Variants in PRELID2 observed in about 807,000 individuals in gnomAD.
The protein encoded by PRELID2 is PRELI domain containing 2.
In PRELID2, 25 loss-of-function variants were observed where a neutral mutation model predicts 28.4. That is an observed-to-expected ratio of 0.88 (90% CI 0.64 to 1.23). PRELID2 has a LOEUF of 1.23. Ranked by LOEUF, PRELID2 falls within the 50% of genes most tolerant of loss-of-function variation. PRELID2 has a pLI of 0.00. For synonymous variants in PRELID2, 76 were observed against 71.6 expected (o/e 1.06, Z -0.31); for missense variants, 201 against 214.4 (o/e 0.94, Z 0.39).
chr5:145,278,460 AG>A, the PRELID2 span, among the ~76,000 whole-genome samples: 1 of 152,154 alleles, frequency 6.6e-6, no homozygotes, highest in African/African-American at 2.4e-5. Context: ...CTGCAGGATG[AG>A]GACCTCAGAT....
the PRELID2 span, among the ~76,000 whole-genome samples, chr5:145,375,853 C>A: frequency 6.6e-6 from 1 of 152,216 alleles, no homozygotes; most frequent in Non-Finnish European, 1.5e-5. Context: ...CAGCCTGGAG[C>A]TATAGAGATG....
At chr5:145,382,942 T>C in the PRELID2 span, among the ~76,000 whole-genome samples, 2 of 151,860 alleles carry the variant, frequency 1.3e-5, no homozygotes, top group African/African-American at 4.8e-5. Context: ...CAATGATCTA[T>C]ATTAAAACCT....
At chr5:145,392,367 G>A in the PRELID2 span, among the ~76,000 whole-genome samples, 1 of 151,990 alleles carries the variant, frequency 6.6e-6, no homozygotes, top group Admixed American at 6.6e-5. Context: ...CAGCTCTTGG[G>A]GGAACTCACT....
chr5:145,357,442 T>C, the PRELID2 span, among the ~76,000 whole-genome samples: 2,996 of 152,302 alleles, frequency 0.02, 25 homozygotes, highest in South Asian at 0.035. Flanking sequence ...TTCTTCTTTA[T>C]TGTTTTTTCT....
chr5:145,823,069 G>A lies in PRELID2; in HGVS notation c.133+8C>T. 3 of 1,451,462 alleles carry A rather than the reference G, an allele frequency of 2.1e-6. No homozygotes were observed. In the South Asian group the frequency reaches 3.4e-5, roughly 17 times the overall value. The allele number at this position is 1,451,462 out of a possible 1,614,324, so 89.9% of individuals were successfully genotyped here. On this transcript the variant is annotated splice_region_variant and intron_variant, in intron 2 of 6. Transcript: ENST00000683046. ...ATCATTACTGAAAAAACTGTACAGA[G>A]AACTTACCTCTTTTTTCCTCCATGA... is the stretch of plus-strand genomic sequence containing the variant.
the PRELID2 span, among the ~76,000 whole-genome samples, chr5:145,441,726 C>T: frequency 6.6e-6 from 1 of 152,060 alleles, no homozygotes; most frequent in Non-Finnish European, 1.5e-5. Context: ...ATGGTGAAGG[C>T]ACACAGCCTC....
intron 1 of PRELID2, among the ~76,000 whole-genome samples, chr5:145,747,542 C>A (rs1395162945): frequency 1.3e-5 from 2 of 152,042 alleles, no homozygotes; most frequent in African/African-American, 4.8e-5. Context: ...AAATGGCCTA[C>A]TAACCAAAAA....
At chr5:145,275,567 G>C in the PRELID2 span, among the ~76,000 whole-genome samples, 1 of 152,122 alleles carries the variant, frequency 6.6e-6, no homozygotes, top group Non-Finnish European at 1.5e-5. Flanking sequence ...GTAGGACTAA[G>C]AGAAGAAAAC....
In PRELID2 at chr5:145,667,550, G is replaced by C. The variant is rs75896906; in HGVS notation, n.70+97381C>G. On this transcript the variant is annotated intron_variant and non_coding_transcript_variant, in intron 1 of 2. Transcript: ENST00000510259. The stretch of plus-strand genomic sequence containing the variant: ...AGGATTGCATGCTCAGTGAGTGACA[G>C]AGTCATCAATTTGACACAGGCAGTT... 4.4e-3 allele frequency among the ~76,000 whole-genome samples: 670 copies of C among 152,190 alleles called. 7 individuals carry two copies. The highest frequency in any genetic ancestry group is 0.015 in the African/African-American group (604 of 41,540).
chr5:145,483,917 C>T (rs1247280241), intron 1 of PRELID2, among the ~76,000 whole-genome samples: 1 of 152,224 alleles, frequency 6.6e-6, no homozygotes. Context: ...ACAACTGTTT[C>T]TCCAAAATGA....
chr5:145,554,556 T>G lies in PRELID2; in HGVS notation n.71-81241A>C, dbSNP rs140709629. Among the ~76,000 whole-genome samples the G allele has an allele frequency of 9.6e-3, 1,463 of 152,322 alleles. 9 individuals carry two copies. Among genetic ancestry groups the G allele is most frequent in the African/African-American group, 0.013 (538 of 41,572 alleles). The stretch of plus-strand genomic sequence containing the variant: ...TGAAGGATCCACTCTTTCAAAGAGC[T>G]GGTTGGCAACTCTCCCAGGCTTCCC... On this transcript the variant is annotated intron_variant and non_coding_transcript_variant, in intron 1 of 2. Coordinates refer to the PRELID2 transcript ENST00000510259.
intron 1 of PRELID2, among the ~76,000 whole-genome samples, chr5:145,694,520 A>G (rs1755216377): frequency 6.6e-6 from 1 of 152,218 alleles, no homozygotes; most frequent in African/African-American, 2.4e-5. Context: ...AATATAATGT[A>G]CAGCTTCAGA....
intron 1 of PRELID2, among the ~76,000 whole-genome samples, chr5:145,615,744 G>C (rs2149648289): frequency 6.6e-6 from 1 of 152,312 alleles, no homozygotes; most frequent in East Asian, 1.9e-4. Flanking sequence ...TGAGATGTGA[G>C]ATACCCTTCC....
At chr5:145,637,548 A>T (rs139763181) in intron 1 of PRELID2, among the ~76,000 whole-genome samples, 1 of 152,304 alleles carries the variant, frequency 6.6e-6, no homozygotes, top group Non-Finnish European at 1.5e-5. Flanking sequence ...GAACTGAATC[A>T]TATGGTTAAC....
At chr5:145,414,366 C>G in the PRELID2 span, among the ~76,000 whole-genome samples, 12 of 152,178 alleles carry the variant, frequency 7.9e-5, no homozygotes, top group Non-Finnish European at 1.6e-4. Flanking sequence ...TCCATAACCA[C>G]CACAACGAAA....
intron 1 of PRELID2, among the ~76,000 whole-genome samples, chr5:145,582,971 A>G (rs2149625939): frequency 6.6e-6 from 1 of 152,196 alleles, no homozygotes; most frequent in Non-Finnish European, 1.5e-5. Context: ...ACCAGCACCT[A>G]GCAGAGATGC....
chr5:145,691,258 G>A (rs1349348254), intron 1 of PRELID2, among the ~76,000 whole-genome samples: 1 of 152,194 alleles, frequency 6.6e-6, no homozygotes, highest in African/African-American at 2.4e-5. Context: ...ACTAGAAAGT[G>A]GAAACTATGC....
At chr5:145,287,261 G>A in the PRELID2 span, among the ~76,000 whole-genome samples, 1 of 151,814 alleles carries the variant, frequency 6.6e-6, no homozygotes, top group Non-Finnish European at 1.5e-5. Context: ...TTATAAATTA[G>A]GCACAGTAAG....
chr5:145,697,052 T>TATATATATATATATATATATAA, intron 1 of PRELID2, among the ~76,000 whole-genome samples: 1 of 114,600 alleles, frequency 8.7e-6, no homozygotes, highest in Non-Finnish European at 1.7e-5. Context: ...TATATATATA[T>TATATATATATATATATATATAA]ATATATATAT....
Sources: gnomAD v4.1 joint callset for allele counts (sites outside exome capture counted in the v4.1 genomes callset) on GRCh38, gnomAD v4.1.1 for gene constraint, MANE v1.5 for transcripts, NCBI Gene and HGNC (gene_info 2026-07-23, HGNC 2026-07-21) for gene names.